The following ERBIN variants were observed in gnomAD, a reference collection of about 807,000 sequenced individuals.
ERBIN encodes densin-180-like protein.
Under a neutral mutation model 158.4 loss-of-function variants are expected in ERBIN, and 60 were observed. The observed-to-expected ratio is 0.38, with a 90% CI of 0.31 to 0.47. The LOEUF is 0.47. Ranked by LOEUF, ERBIN falls within the 20% of genes least tolerant of loss-of-function variation. The probability of loss-of-function intolerance (pLI) is 0.99; values close to 1 mark genes in which losing one functional copy is unlikely to be tolerated. For missense variants in ERBIN, 1,610 were observed against 1,648.0 expected (o/e 0.98, Z 0.40); for synonymous variants, 594 against 557.2 (o/e 1.07, Z -0.93).
At position 66,054,387 on chromosome 5, in the gene ERBIN, A is replaced by T; in HGVS notation, c.3069A>T (p.Lys1023Asn). The part of the protein sequence containing the change: ...SESTENQSYA[K>N]HSANMNFSNH... ...GCACAGAAAATCAAAGTTATGCTAAACATTCTGCCAATATGAATTTCTCTA... is the reference window on the plus strand; with the variant it reads ...GCACAGAAAATCAAAGTTATGCTAATCATTCTGCCAATATGAATTTCTCTA... The change falls in exon 21 of 26, where the codon AAA (lysine) becomes AAT (asparagine). Residue 1023 changes from lysine to asparagine, a missense_variant. Lys to Asn is a moderately conservative substitution (Grantham distance 94). Around this residue, in one of 2 missense-constraint regions of ERBIN, gnomAD observed 1,014 missense variants for 936.1 expected, o/e 1.08. Transcript: ENST00000284037. 6.2e-7 allele frequency: 1 copy of T among 1,614,186 alleles called. No individual in the cohort carries two copies. Among genetic ancestry groups the T allele is most frequent in the Non-Finnish European group, 8.5e-7 (1 of 1,180,034 alleles).
intron 16 of ERBIN, 130 bp from the exon 17 acceptor site, chr5:66,044,007 C>T: frequency 1.9e-6 from 1 of 530,892 alleles, no homozygotes; most frequent in Non-Finnish European, 3.0e-6. Flanking sequence ...CAAAGCCTAT[C>T]ATCTGTCTTC....
Position 66,054,558 on chromosome 5 carries a change from G to A in ERBIN, c.3240G>A (p.Val1080=). ...GTACAATCCAGCGACAAAGTAGTGT[G>A]TCCTCCACAGCCTCTGTAAATCTTG... The part of the protein sequence containing the change: ...TRSTIQRQSS[V]SSTASVNLGD... Residue 1080 remains valine, a synonymous_variant, in exon 21 of 26, where the codon GTG becomes GTA. Coordinates refer to ENST00000284037, the MANE Select transcript of ERBIN (RefSeq NM_001253697.2). 6.2e-7 allele frequency: 1 copy of A among 1,614,174 alleles called. No individual in the cohort carries two copies. The highest frequency in any genetic ancestry group is 8.5e-7 in the Non-Finnish European group (1 of 1,180,022).
At chr5:66,063,337 G>A (rs1173547324) in intron 21 of ERBIN, among the ~76,000 whole-genome samples, 1 of 152,234 alleles carries the variant, frequency 6.6e-6, no homozygotes, top group Non-Finnish European at 1.5e-5. Flanking sequence ...GACCCTCCGA[G>A]CCAGTTGCGG....
rs180913770 is a variant in ERBIN, at chr5:65,956,006, A to C, written c.-58+29200A>C. Among the ~76,000 whole-genome samples, 157 of 152,332 alleles carry C rather than the reference A, an allele frequency of 1.0e-3. 2 individuals carry two copies. The highest frequency in any genetic ancestry group is 8.6e-3 in the Admixed American group (132 of 15,304). ...TAGCTGTCTCAGTTATTAGAGCAAC[A>C]ATACATGGTGTGTATAGAGTTCGAC... On this transcript the variant is annotated intron_variant, in intron 1 of 25. Transcript: ENST00000284037.
At chr5:65,965,272 G>A (rs531420776) in intron 1 of ERBIN, among the ~76,000 whole-genome samples, 2 of 151,480 alleles carry the variant, frequency 1.3e-5, no homozygotes, top group African/African-American at 4.8e-5. Context: ...ATTATGTGGT[G>A]GTCACACTGG....
intron 14 of ERBIN, among the ~76,000 whole-genome samples, chr5:66,034,908 T>C (rs1205593358): frequency 1.3e-5 from 2 of 152,122 alleles, no homozygotes; most frequent in Non-Finnish European, 2.9e-5. Context: ...TACAGTGTGG[T>C]ACAAAAGGGG....
intron 21 of ERBIN, among the ~76,000 whole-genome samples, chr5:66,063,588 T>G (rs1760686077): frequency 6.6e-6 from 1 of 152,138 alleles, no homozygotes; most frequent in Non-Finnish European, 1.5e-5. Context: ...ATGAACCCGG[T>G]ACCTCAGTTG....
At position 66,072,252 on chromosome 5, in the gene ERBIN, A is replaced by T; in HGVS notation, c.3717A>T (p.Thr1239=). The change falls in exon 22 of 26, where the codon ACA becomes ACT. Residue 1239 remains threonine, a synonymous_variant. Coordinates refer to ENST00000284037, the MANE Select transcript of ERBIN (RefSeq NM_001253697.2). The part of the protein sequence containing the change: ...ISGQQNYSSA[T]LSHKDVPPDS... ...GACAGCAGAACTACTCATCAGCCAC[A>T]CTTAGTCACAAAGATGTTCCTCCAG... 1 of 1,550,312 alleles carries T rather than the reference A, an allele frequency of 6.5e-7. No individual in the cohort carries two copies. The highest frequency in any genetic ancestry group is 2.4e-5 in the East Asian group (1 of 40,868).
At chr5:66,047,172 T>C (rs1296594912) in intron 18 of ERBIN, among the ~76,000 whole-genome samples, 2 of 152,158 alleles carry the variant, frequency 1.3e-5, no homozygotes, top group Admixed American at 1.3e-4. Context: ...ATCTACTTTA[T>C]ATGCCTCTGT....
At chr5:66,033,480 A>G (rs891588245) in intron 14 of ERBIN, among the ~76,000 whole-genome samples, 1 of 152,218 alleles carries the variant, frequency 6.6e-6, no homozygotes, top group African/African-American at 2.4e-5. Context: ...TGAAGAAGGA[A>G]GAGTTAAGAC....
chr5:66,031,366 T>C (rs1186120724), intron 14 of ERBIN, among the ~76,000 whole-genome samples: 1 of 152,208 alleles, frequency 6.6e-6, no homozygotes, highest in African/African-American at 2.4e-5. Flanking sequence ...ACAACTGCTT[T>C]GTGCCAGGCA....
chr5:66,074,045 ATTTTTTTTTTT>A (rs397884229), intron 22 of ERBIN, among the ~76,000 whole-genome samples: 3 of 91,926 alleles, frequency 3.3e-5, no homozygotes, highest in Non-Finnish European at 2.1e-5. Flanking sequence ...TGCCCAGCTA[ATTTTTTTTTTT>A]TTTTTTTTTT....
chr5:66,046,607 A>T (rs1429110082), intron 18 of ERBIN, 69 bp downstream of exon 18: 1 of 1,269,034 alleles, frequency 7.9e-7, no homozygotes, highest in Admixed American at 2.3e-5. Context: ...GTTGCTAAAT[A>T]AAGACCTGAT....
chr5:65,940,492 C>G (rs1304082437), intron 1 of ERBIN, among the ~76,000 whole-genome samples: 1 of 126,404 alleles, frequency 7.9e-6, no homozygotes, highest in African/African-American at 3.4e-5. Flanking sequence ...CCCCCCCGGC[C>G]AGCCGCCCCG....
rs1756186709 is a variant in ERBIN at position 66,025,856 on chromosome 5, C to T, written c.899C>T (p.Ser300Leu). 2.0e-6 allele frequency: 3 copies of T among 1,502,058 alleles called. No homozygotes were observed. The African/African-American group carries it at 4.2e-5, about 21-fold the overall frequency. 93.0% of individuals were successfully genotyped at this position (1,502,058 alleles called of 1,614,324 possible). The change falls in exon 12 of 26, where the codon TCA becomes TTA. Residue 300 changes from serine (S) to leucine (L), a missense_variant. Ser to Leu is a moderately radical substitution (Grantham distance 145). Coordinates refer to ENST00000284037, the MANE Select transcript of ERBIN (RefSeq NM_001253697.2). ...CTTTTTTTAAATTAAAGGTTAATAT[C>T]AGTAGAAGAACTGGATTGTAGTTTC... ...YLPDSIGGLI[S>L]VEELDCSFNE...
chr5:66,026,018 T>G, intron 12 of ERBIN, 41 bp downstream of exon 12: 1 of 1,508,720 alleles, frequency 6.6e-7, no homozygotes. Context: ...GTCTTTTCAT[T>G]TTTTTCTGAT....
intron 4 of ERBIN, among the ~76,000 whole-genome samples, chr5:65,996,885 G>A (rs1292150470): frequency 1.3e-5 from 2 of 151,782 alleles, no homozygotes; most frequent in Non-Finnish European, 2.9e-5. Context: ...TTTTTTGGTA[G>A]CTATTATAAA....
At chr5:65,938,086 T>C (rs759685727) in intron 1 of ERBIN, among the ~76,000 whole-genome samples, 5 of 152,218 alleles carry the variant, frequency 3.3e-5, no homozygotes, top group Non-Finnish European at 5.9e-5. Flanking sequence ...CATCTTGTCA[T>C]ATCTGTGTTT....
intron 1 of ERBIN, among the ~76,000 whole-genome samples, chr5:65,969,473 TAAAG>T (rs1410976131): frequency 1.3e-5 from 2 of 152,206 alleles, no homozygotes; most frequent in Admixed American, 1.3e-4. Flanking sequence ...TTTTTTAACA[TAAAG>T]AATCTGAGAT....
Sources: allele counts gnomAD v4.1 joint callset (sites outside exome capture counted in the v4.1 genomes callset), GRCh38; gene constraint gnomAD v4.1.1; regional missense constraint gnomAD v4.1.1; transcripts MANE v1.5; gene names NCBI Gene and HGNC (gene_info 2026-07-23, HGNC 2026-07-21).